The following ARHGAP15 variants were observed in gnomAD, a reference collection of about 807,000 sequenced individuals.
ARHGAP15 encodes rho GTPase-activating protein 15.
ARHGAP15 carries 51 observed loss-of-function variants against 63.7 expected under a neutral mutation model. That is an observed-to-expected ratio of 0.80 (90% confidence interval 0.64 to 1.01). ARHGAP15 has a LOEUF of 1.01. Among genes scored for constraint, ARHGAP15 ranks in the 50% least tolerant of loss-of-function variants. The pLI is 0.00. For missense variants in ARHGAP15, 560 were observed against 564.6 expected (o/e 0.99, Z 0.08); for synonymous variants, 191 against 193.8 (o/e 0.99, Z 0.12).
chr2:143,210,010 T>C (rs1692504958), intron 3 of ARHGAP15, among the ~76,000 whole-genome samples: 1 of 152,168 alleles, frequency 6.6e-6, no homozygotes, highest in African/African-American at 2.4e-5. Flanking sequence ...AGCAATCCTT[T>C]CTTCCCCACT....
chr2:143,651,196 T>C (rs778320100), intron 12 of ARHGAP15, among the ~76,000 whole-genome samples: 16 of 151,970 alleles, frequency 1.1e-4, no homozygotes, highest in Non-Finnish European at 1.6e-4. Context: ...AAAGGTAAAA[T>C]TGTTCTGTAT....
chr2:143,721,554 A>T (rs992139490), intron 13 of ARHGAP15, among the ~76,000 whole-genome samples: 4 of 152,266 alleles, frequency 2.6e-5, no homozygotes, highest in African/African-American at 9.6e-5. Flanking sequence ...GACTCTCAAG[A>T]TGAATCAAGA....
intron 11 of ARHGAP15, among the ~76,000 whole-genome samples, chr2:143,617,343 C>G (rs1443328758): frequency 6.6e-6 from 1 of 152,172 alleles, no homozygotes; most frequent in African/African-American, 2.4e-5. Flanking sequence ...AGCTACCATA[C>G]TAAAGTACCA....
chr2:143,749,056 T>C (rs897121507), intron 13 of ARHGAP15, among the ~76,000 whole-genome samples: 1 of 151,446 alleles, frequency 6.6e-6, no homozygotes, highest in South Asian at 2.1e-4. Context: ...CAATTCACTG[T>C]AAAAAATCAC....
intron 12 of ARHGAP15, among the ~76,000 whole-genome samples, chr2:143,687,671 G>C (rs1367121722): frequency 6.6e-6 from 1 of 152,170 alleles, no homozygotes; most frequent in Non-Finnish European, 1.5e-5. Flanking sequence ...AATTTTCCCT[G>C]AAGTGATTTG....
chr2:143,492,097 G>T (rs570400957), intron 9 of ARHGAP15, among the ~76,000 whole-genome samples: 1 of 152,208 alleles, frequency 6.6e-6, no homozygotes, highest in African/African-American at 2.4e-5. Context: ...GCCCAGCCTG[G>T]TCTTGAACTC....
intron 13 of ARHGAP15, among the ~76,000 whole-genome samples, chr2:143,735,133 C>A (rs774897912): frequency 1.3e-5 from 2 of 152,134 alleles, no homozygotes; most frequent in Admixed American, 1.3e-4. Context: ...TTGTTTTAAA[C>A]GTAATTTCTT....
chr2:143,147,739 A>G (rs1033064426), intron 1 of ARHGAP15, among the ~76,000 whole-genome samples: 7 of 152,022 alleles, frequency 4.6e-5, no homozygotes, highest in African/African-American at 1.7e-4. Flanking sequence ...GACCAGAAGC[A>G]TTGAACATGT....
At chr2:143,517,501 T>A (rs1182889729) in intron 9 of ARHGAP15, among the ~76,000 whole-genome samples, 1 of 152,204 alleles carries the variant, frequency 6.6e-6, no homozygotes, top group Admixed American at 6.5e-5. Context: ...GTTAAGATGA[T>A]GTCTTGCAGT....
chr2:143,717,023 C>T (rs1684838696), intron 13 of ARHGAP15, among the ~76,000 whole-genome samples: 1 of 152,204 alleles, frequency 6.6e-6, no homozygotes, highest in Non-Finnish European at 1.5e-5. Context: ...TTTTAGGGGT[C>T]CTTTTTAAAA....
chr2:143,209,488 G>A (rs1692484400), intron 3 of ARHGAP15, among the ~76,000 whole-genome samples: 2 of 151,942 alleles, frequency 1.3e-5, no homozygotes, highest in South Asian at 4.1e-4. Context: ...GTTCAGTCTA[G>A]GGATGAACAG....
chr2:143,434,932 A>C (rs1050950558), intron 6 of ARHGAP15, among the ~76,000 whole-genome samples: 1 of 151,890 alleles, frequency 6.6e-6, no homozygotes, highest in Non-Finnish European at 1.5e-5. Flanking sequence ...CCAACTACTT[A>C]GCAGTCTGAG....
intron 13 of ARHGAP15, among the ~76,000 whole-genome samples, chr2:143,718,640 C>T (rs1451864141): frequency 6.6e-6 from 1 of 152,164 alleles, no homozygotes; most frequent in East Asian, 1.9e-4. Context: ...TTTAACTAAA[C>T]TGTTTCCTCA....
intron 11 of ARHGAP15, among the ~76,000 whole-genome samples, chr2:143,573,177 C>T (rs532024586): frequency 7.2e-5 from 11 of 152,186 alleles, no homozygotes; most frequent in Non-Finnish European, 1.2e-4. Flanking sequence ...CAGAAAGATG[C>T]CTTAAAGCAA....
chr2:143,551,026 A>G (rs1240457448), intron 10 of ARHGAP15, among the ~76,000 whole-genome samples: 1 of 152,230 alleles, frequency 6.6e-6, no homozygotes, highest in African/African-American at 2.4e-5. Context: ...GGGTGTACAG[A>G]TAAGTGGTAG....
chr2:143,400,641 C>A (rs1364499952), intron 6 of ARHGAP15, among the ~76,000 whole-genome samples: 11 of 151,744 alleles, frequency 7.2e-5, no homozygotes, highest in Admixed American at 6.6e-4. Flanking sequence ...CGAAGGGAGG[C>A]CTTTATTTTC....
intron 2 of ARHGAP15, among the ~76,000 whole-genome samples, chr2:143,176,363 A>C (rs1443353321): frequency 6.6e-6 from 1 of 152,182 alleles, no homozygotes; most frequent in Non-Finnish European, 1.5e-5. Context: ...CTACTTTGTT[A>C]ATTTAGGTTA....
intron 3 of ARHGAP15, among the ~76,000 whole-genome samples, chr2:143,203,436 G>A (rs554987898): frequency 2.0e-5 from 3 of 152,108 alleles, no homozygotes; most frequent in African/African-American, 7.2e-5. Context: ...AAATCCATCA[G>A]TAACTTCTCA....
rs185701685 is a variant in ARHGAP15 at position 143,198,960 on chromosome 2, A to T, written c.166-3174A>T. Among the ~76,000 whole-genome samples the T allele has an allele frequency of 1.2e-4, 19 of 152,190 alleles. No individual in the cohort carries two copies. The East Asian group carries it at 3.7e-3, about 29-fold the overall frequency. On this transcript the variant is annotated intron_variant, in intron 2 of 13. Coordinates refer to ENST00000295095, the MANE Select transcript of ARHGAP15 (RefSeq NM_018460.4). Reference sequence around the variant, plus strand: ...ACTCCTTCCATCTTGGAACTCTTCCACTCTTGAAAGTTAAATATAAGACGT... The same window carrying T: ...ACTCCTTCCATCTTGGAACTCTTCCTCTCTTGAAAGTTAAATATAAGACGT...
Sources: gnomAD v4.1 joint callset for allele counts (sites outside exome capture counted in the v4.1 genomes callset) on GRCh38, gnomAD v4.1.1 for gene constraint, MANE v1.5 for transcripts, NCBI Gene and HGNC (gene_info 2026-07-23, HGNC 2026-07-21) for gene names.